CFAP299: variants seen among roughly 807,000 people sequenced by gnomAD.
CFAP299 encodes the protein cilia- and flagella-associated protein 299.
CFAP299 carries 21 observed loss-of-function variants against 27.0 expected under a neutral mutation model. The ratio of observed to expected loss-of-function variants is 0.78; its 90% CI spans 0.55 to 1.12. The LOEUF is 1.12. CFAP299 is among the 50% of genes most tolerant of loss of function. The pLI is 0.00. For synonymous variants in CFAP299, 104 were observed against 98.1 expected (o/e 1.06, Z -0.36); for missense variants, 310 against 276.6 (o/e 1.12, Z -0.86).
At chr4:80,745,688 T>C (rs1440528441) in intron 3 of CFAP299, among the ~76,000 whole-genome samples, 1 of 152,102 alleles carries the variant, frequency 6.6e-6, no homozygotes, top group Non-Finnish European at 1.5e-5. Flanking sequence ...ATGGACTCAT[T>C]AACTAAAGTA....
intron 4 of CFAP299, among the ~76,000 whole-genome samples, chr4:80,888,412 A>G (rs749150866): frequency 3.9e-5 from 6 of 152,092 alleles, no homozygotes; most frequent in Non-Finnish European, 5.9e-5. Flanking sequence ...TGATAAAGGG[A>G]TCAATTTGGC....
chr4:80,618,344 A>C (rs2109927813), intron 3 of CFAP299, among the ~76,000 whole-genome samples: 1 of 152,146 alleles, frequency 6.6e-6, no homozygotes, highest in East Asian at 1.9e-4. Flanking sequence ...TGAGCATGTG[A>C]GTAAGGAGAG....
chr4:80,470,562 G>T (rs1312766448), intron 2 of CFAP299, among the ~76,000 whole-genome samples: 1 of 152,058 alleles, frequency 6.6e-6, no homozygotes, highest in Admixed American at 6.6e-5. Context: ...TGACTTAATG[G>T]TCCACACTTG....
chr4:80,942,318 C>CT (rs1264416754), intron 4 of CFAP299, among the ~76,000 whole-genome samples: 12 of 152,206 alleles, frequency 7.9e-5, no homozygotes, highest in Admixed American at 2.0e-4. Flanking sequence ...TGGAGTCAGT[C>CT]TTTAACGTTG....
chr4:80,879,513 G>A (rs1450817681), intron 4 of CFAP299, among the ~76,000 whole-genome samples: 1 of 152,130 alleles, frequency 6.6e-6, no homozygotes, highest in African/African-American at 2.4e-5. Context: ...TAATTTAGCT[G>A]TAGAAGTGAC....
Position 80,335,935 on chromosome 4 carries a change from G to A in CFAP299, c.111+56G>A. On this transcript the variant is annotated intron_variant, in intron 1 of 5. Transcript: ENST00000358105. ...GCCGCGCGTCCCTCGGTCCCTCCTC[G>A]AGTTCCCGCTTCGTGGGCTGGTCGC... The A allele has an allele frequency of 1.5e-5, 17 of 1,114,148 alleles. No homozygotes were observed. In the South Asian group the frequency reaches 2.1e-4, roughly 14 times the overall value. 69.0% of individuals were successfully genotyped at this position (1,114,148 alleles called of 1,614,324 possible).
chr4:80,838,106 G>C (rs1730667859), intron 3 of CFAP299, among the ~76,000 whole-genome samples: 1 of 152,026 alleles, frequency 6.6e-6, no homozygotes, highest in African/African-American at 2.4e-5. Flanking sequence ...TTTTTGATGG[G>C]GTTGTTTGTT....
At chr4:80,505,255 A>G (rs955155879) in intron 2 of CFAP299, among the ~76,000 whole-genome samples, 4 of 152,072 alleles carry the variant, frequency 2.6e-5, no homozygotes, top group African/African-American at 9.7e-5. Context: ...CTTAAGGAAT[A>G]TTGAACTGTA....
chr4:80,855,465 TTACATATGTA>T (rs1284367704), intron 3 of CFAP299, among the ~76,000 whole-genome samples: 3 of 152,202 alleles, frequency 2.0e-5, no homozygotes, highest in Non-Finnish European at 4.4e-5. Context: ...TGCAGGTTAG[TTACATATGTA>T]TACATGTGAC....
At chr4:80,915,780 G>A (rs1735719266) in intron 4 of CFAP299, among the ~76,000 whole-genome samples, 2 of 151,474 alleles carry the variant, frequency 1.3e-5, no homozygotes, top group Admixed American at 1.3e-4. Flanking sequence ...TCCATCAAAT[G>A]TATTATTTAT....
intron 3 of CFAP299, among the ~76,000 whole-genome samples, chr4:80,718,715 T>C (rs1219094487): frequency 6.6e-6 from 1 of 152,062 alleles, no homozygotes; most frequent in African/African-American, 2.4e-5. Flanking sequence ...TTTTAAAAAG[T>C]CCTTTCACCT....
At chr4:80,368,765 G>T (rs112182702) in intron 2 of CFAP299, among the ~76,000 whole-genome samples, 5,711 of 152,250 alleles carry the variant, frequency 0.038, 221 homozygotes, top group African/African-American at 0.092. Flanking sequence ...AGAATTAAAT[G>T]AGAAAATTTA....
chr4:80,347,715 T>C (rs1241723262), intron 1 of CFAP299, among the ~76,000 whole-genome samples: 1 of 152,144 alleles, frequency 6.6e-6, no homozygotes, highest in Non-Finnish European at 1.5e-5. Flanking sequence ...CCCAAAGTAA[T>C]TTATAGATAC....
chr4:80,907,161 C>A (rs928189959), intron 4 of CFAP299, among the ~76,000 whole-genome samples: 2 of 152,142 alleles, frequency 1.3e-5, no homozygotes, highest in Non-Finnish European at 2.9e-5. Flanking sequence ...TAGCTCATTG[C>A]TAAAGCATAA....
chr4:80,420,384 A>G, intron 2 of CFAP299: 1 of 288,310 alleles, frequency 3.5e-6, no homozygotes. Flanking sequence ...AAAATATGTC[A>G]AGGAAGTATA....
chr4:80,671,231 A>G (rs1266976022), intron 3 of CFAP299, among the ~76,000 whole-genome samples: 1 of 152,156 alleles, frequency 6.6e-6, no homozygotes, highest in East Asian at 1.9e-4. Context: ...TCCCAGCACC[A>G]TTTATTAAAT....
chr4:80,519,742 A>C (rs1732807583), intron 2 of CFAP299, among the ~76,000 whole-genome samples: 1 of 152,170 alleles, frequency 6.6e-6, no homozygotes. Flanking sequence ...AGAGGCATTC[A>C]AGGCTAAAGA....
chr4:80,394,428 T>C (rs1044830549), intron 2 of CFAP299, among the ~76,000 whole-genome samples: 2 of 151,786 alleles, frequency 1.3e-5, no homozygotes, highest in African/African-American at 2.4e-5. Flanking sequence ...TTAAATTAGA[T>C]GCAGTCCCAT....
At chr4:80,779,048 C>T (rs1191520775) in intron 3 of CFAP299, among the ~76,000 whole-genome samples, 1 of 151,888 alleles carries the variant, frequency 6.6e-6, no homozygotes, top group Non-Finnish European at 1.5e-5. Flanking sequence ...TATATATTAC[C>T]TAACTCAACA....
Sources: allele counts gnomAD v4.1 joint callset (sites outside exome capture counted in the v4.1 genomes callset), GRCh38; gene constraint gnomAD v4.1.1; transcripts MANE v1.5; gene names NCBI Gene and HGNC (gene_info 2026-07-23, HGNC 2026-07-21).